Variants in TBCK observed in about 807,000 individuals in gnomAD.
The protein encoded by TBCK is TBC domain-containing protein kinase-like protein.
In TBCK, 99 loss-of-function variants were observed where a neutral mutation model predicts 113.4. That is an observed-to-expected ratio of 0.87 (90% CI 0.74 to 1.03). The LOEUF is 1.03. Ranked by LOEUF, TBCK falls within the 50% of genes least tolerant of loss-of-function variation. TBCK has a pLI of 0.00. For missense variants in TBCK, 1,045 were observed against 1,061.3 expected (o/e 0.98, Z 0.21); for synonymous variants, 369 against 370.8 (o/e 1.00, Z 0.05).
intron 2 of TBCK, among the ~76,000 whole-genome samples, chr4:106,302,317 A>C (rs988082233): frequency 6.6e-6 from 1 of 152,168 alleles, no homozygotes; most frequent in Non-Finnish European, 1.5e-5. Flanking sequence ...CTCAGAGAAC[A>C]ACAATCAGTA....
chr4:106,194,579 C>T (rs753701206), intron 21 of TBCK, 139 bp downstream of exon 21: 63 of 593,524 alleles, frequency 1.1e-4, no homozygotes, highest in Non-Finnish European at 1.6e-4. Flanking sequence ...TTCTTTTCTA[C>T]CTAACTCTAT....
At chr4:106,046,774 T>C in intron 25 of TBCK, 94 bp from the exon 26 acceptor site, 1 of 616,898 alleles carries the variant, frequency 1.6e-6, no homozygotes. Context: ...AAAATTAATT[T>C]AATGTTATGA....
At chr4:106,289,032 G>A (rs551223980) in intron 3 of TBCK, among the ~76,000 whole-genome samples, 1 of 152,078 alleles carries the variant, frequency 6.6e-6, no homozygotes, top group Non-Finnish European at 1.5e-5. Context: ...TCCCAAATCC[G>A]AAACACTTCT....
chr4:106,249,496 G>T (rs887019579), intron 7 of TBCK, among the ~76,000 whole-genome samples: 1 of 152,168 alleles, frequency 6.6e-6, no homozygotes, highest in Non-Finnish European at 1.5e-5. Flanking sequence ...ACATGTGAGG[G>T]TGCTAGAACC....
chr4:106,216,414 T>C (rs1234822879), intron 19 of TBCK, among the ~76,000 whole-genome samples: 1 of 152,008 alleles, frequency 6.6e-6, no homozygotes, highest in African/African-American at 2.4e-5. Context: ...TTCAAAAAAT[T>C]ACTGAATCCA....
At chr4:106,131,298 T>C (rs1227850956) in intron 23 of TBCK, among the ~76,000 whole-genome samples, 7 of 152,212 alleles carry the variant, frequency 4.6e-5, no homozygotes, top group African/African-American at 1.7e-4. Context: ...GGGTATGTCA[T>C]TATTAGCAGC....
At chr4:106,086,788 C>G (rs531392974) in intron 25 of TBCK, among the ~76,000 whole-genome samples, 1 of 152,280 alleles carries the variant, frequency 6.6e-6, no homozygotes, top group East Asian at 1.9e-4. Flanking sequence ...AGATGCAAAT[C>G]GATAAATGTA....
intron 24 of TBCK, 120 bp downstream of exon 24, chr4:106,116,083 T>A (rs1393765866): frequency 2.2e-6 from 2 of 906,732 alleles, no homozygotes; most frequent in Admixed American, 2.7e-5. Flanking sequence ...GAGAGTAATT[T>A]AACTACTTGA....
At chr4:106,116,683 T>C (rs776770843) in intron 23 of TBCK, among the ~76,000 whole-genome samples, 2 of 152,146 alleles carry the variant, frequency 1.3e-5, no homozygotes, top group Non-Finnish European at 2.9e-5. Context: ...CCGCCTCCTG[T>C]CAGATCAGTG....
chr4:106,212,073 C>T (rs778605824), intron 20 of TBCK, among the ~76,000 whole-genome samples: 1 of 151,964 alleles, frequency 6.6e-6, no homozygotes, highest in Non-Finnish European at 1.5e-5. Context: ...AAACAATTTC[C>T]TTTGCACCCA....
At chr4:106,230,736 A>G (rs2149989051) in intron 18 of TBCK, among the ~76,000 whole-genome samples, 1 of 151,998 alleles carries the variant, frequency 6.6e-6, no homozygotes, top group Admixed American at 6.6e-5. Context: ...GTTGTTTCTT[A>G]AAATTTCTAA....
chr4:106,198,349 A>T (rs1754495538), intron 20 of TBCK, among the ~76,000 whole-genome samples: 1 of 152,082 alleles, frequency 6.6e-6, no homozygotes, highest in Non-Finnish European at 1.5e-5. Context: ...AAGTAGTATT[A>T]TTATTAATAT....
intron 1 of TBCK, among the ~76,000 whole-genome samples, chr4:106,313,110 T>C (rs1768369980): frequency 6.6e-6 from 1 of 152,212 alleles, no homozygotes; most frequent in Non-Finnish European, 1.5e-5. Context: ...AAACAGCTTA[T>C]GAGAAGATAA....
chr4:106,283,620 A>C (rs1764833330), intron 3 of TBCK, among the ~76,000 whole-genome samples: 1 of 152,158 alleles, frequency 6.6e-6, no homozygotes, highest in Non-Finnish European at 1.5e-5. Flanking sequence ...AACTAATTGT[A>C]CAATTTAGGC....
At chr4:106,276,503 G>C (rs546082893) in intron 3 of TBCK, among the ~76,000 whole-genome samples, 2 of 152,276 alleles carry the variant, frequency 1.3e-5, no homozygotes, top group African/African-American at 4.8e-5. Context: ...CCTGAACCCA[G>C]AAGTTCGAGA....
At chr4:106,247,754 T>C (rs932538142) in intron 9 of TBCK, 2 of 156,372 alleles carry the variant, frequency 1.3e-5, no homozygotes, top group African/African-American at 4.8e-5. Context: ...TTTTCAAACA[T>C]TACATAGTAA....
intron 23 of TBCK, among the ~76,000 whole-genome samples, chr4:106,144,732 T>C (rs1185953086): frequency 6.7e-6 from 1 of 148,912 alleles, no homozygotes; most frequent in Non-Finnish European, 1.5e-5. Context: ...AACTTGTTCA[T>C]ATTTTTTTGG....
intron 24 of TBCK, among the ~76,000 whole-genome samples, chr4:106,109,417 A>G (rs986782533): frequency 1.4e-4 from 21 of 152,194 alleles, no homozygotes; most frequent in Non-Finnish European, 2.9e-4. Context: ...GCAGTAGTAC[A>G]GAAACAGGCA....
At chr4:106,286,895 A>C (rs1360201665) in intron 3 of TBCK, among the ~76,000 whole-genome samples, 1 of 103,170 alleles carries the variant, frequency 9.7e-6, no homozygotes, top group South Asian at 3.6e-4. Flanking sequence ...AAAAACAAAA[A>C]GGCAGGAGGG....
Sources: allele counts gnomAD v4.1 joint callset (sites outside exome capture counted in the v4.1 genomes callset), GRCh38; gene constraint gnomAD v4.1.1; transcripts MANE v1.5; gene names NCBI Gene and HGNC (gene_info 2026-07-23, HGNC 2026-07-21).